Variants in ARHGAP17 observed in about 807,000 individuals in gnomAD.
ARHGAP17 encodes rho GTPase-activating protein 17.
Under a neutral mutation model 99.5 loss-of-function variants are expected in ARHGAP17, and 57 were observed. The observed-to-expected ratio is 0.57, with a 90% CI of 0.46 to 0.71. ARHGAP17 has a LOEUF of 0.71. Among genes scored for constraint, ARHGAP17 ranks in the 30% least tolerant of loss-of-function variants. The pLI is 0.00. For missense variants in ARHGAP17, 1,000 were observed against 1,122.4 expected, an observed-to-expected ratio of 0.89 and a Z score of 1.56; for synonymous variants, 417 against 429.6, an observed-to-expected ratio of 0.97 and a Z score of 0.36.
chr16:24,968,895 G>A, intron 4 of ARHGAP17, 123 bp from the exon 5 acceptor site: 1 of 797,548 alleles, frequency 1.3e-6, no homozygotes, highest in Non-Finnish European at 2.0e-6. Context: ...AACGAGCCTT[G>A]AAAATATTAT....
At position 24,955,684 on chromosome 16, in the gene ARHGAP17, C is replaced by G. The variant is rs2051788552; in HGVS notation, c.725-954G>C. 2 of 152,266 alleles carry G rather than the reference C, an allele frequency of 1.3e-5. No individual in the cohort carries two copies. The highest frequency in any genetic ancestry group is 3.8e-4 in the East Asian group (2 of 5,202). The allele number at this position is 152,266 out of a possible 1,614,324, so 9.4% of individuals were successfully genotyped here. A position where few individuals can be genotyped will look rare whatever the true frequency, so the allele number is the denominator to read the frequency against. ...CTCTGCACCTTTACTGGCCATTGGT[C>G]CCTTAGCAGCTCTGCTGTTAGAAAG... On this transcript the variant is annotated intron_variant, in intron 9 of 19. Coordinates refer to ENST00000289968, the MANE Select transcript of ARHGAP17 (RefSeq NM_001006634.3). The surrounding 1 kb of genome is among the most constrained non-coding windows in gnomAD (Gnocchi z 4.0).
At chr16:25,013,789 G>C (rs1597506946) in intron 1 of ARHGAP17, 1 of 152,198 alleles carries the variant, frequency 6.6e-6, no homozygotes, top group Non-Finnish European at 1.5e-5. Context: ...TTTGACAAAT[G>C]TATCTTGGCA....
At chr16:24,939,836 A>T in intron 16 of ARHGAP17, 1 of 561,950 alleles carries the variant, frequency 1.8e-6, no homozygotes, top group Non-Finnish European at 3.2e-6. Context: ...GGGTGTGAGC[A>T]GCTAAAAGCA....
chr16:24,928,874 A>G (rs1279804370), intron 19 of ARHGAP17, among the ~76,000 whole-genome samples: 1 of 152,244 alleles, frequency 6.6e-6, no homozygotes, highest in Non-Finnish European at 1.5e-5. Flanking sequence ...AAAGGAATTT[A>G]AAATAATTCA....
chr16:24,983,570 G>A (rs1039758249), intron 1 of ARHGAP17, among the ~76,000 whole-genome samples: 2 of 152,170 alleles, frequency 1.3e-5, no homozygotes, highest in African/African-American at 4.8e-5. Context: ...CTCCCAAAGT[G>A]CTAGGCGTGA....
intron 6 of ARHGAP17, among the ~76,000 whole-genome samples, chr16:24,965,620 C>A (rs2052156695): frequency 6.6e-6 from 1 of 152,196 alleles, no homozygotes. Context: ...AGCAAGTCAG[C>A]CAAAGCTAAA....
At chr16:24,957,745 G>T (rs148872287) in intron 9 of ARHGAP17, among the ~76,000 whole-genome samples, 1 of 152,110 alleles carries the variant, frequency 6.6e-6, no homozygotes, top group Non-Finnish European at 1.5e-5. Flanking sequence ...AGAAAATGCA[G>T]GTGGCAGGCA....
chr16:24,991,397 AT>A (rs1458611514), intron 1 of ARHGAP17, among the ~76,000 whole-genome samples: 2 of 152,350 alleles, frequency 1.3e-5, no homozygotes, highest in Non-Finnish European at 2.9e-5. Flanking sequence ...CCCAAGTCTT[AT>A]CTAAGAATGA....
chr16:24,982,994 A>AT (rs2052739702), intron 1 of ARHGAP17, among the ~76,000 whole-genome samples: 5 of 17,386 alleles, frequency 2.9e-4, no homozygotes, highest in Admixed American at 1.3e-3. Flanking sequence ...ATATATATAT[A>AT]TATTTTTTTT....
At chr16:24,988,505 C>G (rs1274217721) in intron 1 of ARHGAP17, among the ~76,000 whole-genome samples, 1 of 152,158 alleles carries the variant, frequency 6.6e-6, no homozygotes, top group Non-Finnish European at 1.5e-5. Context: ...GTATTTACAG[C>G]TTCTCTAGGA....
chr16:24,965,429 T>A (rs1442707211), intron 6 of ARHGAP17, among the ~76,000 whole-genome samples: 2 of 152,088 alleles, frequency 1.3e-5, no homozygotes, highest in African/African-American at 2.4e-5. Context: ...CAGACCAAGA[T>A]CGCAACGCCG....
At chr16:24,971,050 A>G (rs1195519324) in intron 3 of ARHGAP17, among the ~76,000 whole-genome samples, 2 of 151,970 alleles carry the variant, frequency 1.3e-5, no homozygotes, top group Non-Finnish European at 2.9e-5. Context: ...TAATTTTTGT[A>G]TTTTTGGTAG....
intron 1 of ARHGAP17, among the ~76,000 whole-genome samples, chr16:25,008,566 T>A (rs2141527108): frequency 6.6e-6 from 1 of 152,306 alleles, no homozygotes; most frequent in East Asian, 1.9e-4. Context: ...CTACAGCATC[T>A]ACCTACACTT....
At chr16:24,931,689 T>C (rs920072180) in intron 18 of ARHGAP17, among the ~76,000 whole-genome samples, 2 of 152,120 alleles carry the variant, frequency 1.3e-5, no homozygotes, top group Non-Finnish European at 2.9e-5. Context: ...ACGGAGAACA[T>C]GTCACAGACA....
chr16:24,943,365 T>A (rs939688798), intron 15 of ARHGAP17, among the ~76,000 whole-genome samples: 2 of 152,188 alleles, frequency 1.3e-5, no homozygotes, highest in Admixed American at 6.5e-5. Flanking sequence ...TAAAAACCAA[T>A]CCCTGGTTCC....
chr16:25,006,718 A>C (rs536498844), intron 1 of ARHGAP17, among the ~76,000 whole-genome samples: 32 of 152,288 alleles, frequency 2.1e-4, no homozygotes, highest in African/African-American at 7.0e-4. Context: ...CTTTTTCACA[A>C]AGCAAGCGGT....
At chr16:24,927,088 T>C (rs563815991) in intron 19 of ARHGAP17, among the ~76,000 whole-genome samples, 5 of 152,184 alleles carry the variant, frequency 3.3e-5, no homozygotes, top group South Asian at 4.1e-4. Context: ...CTGGCCAACA[T>C]GGTGAAGCCC....
At chr16:24,968,911 T>C in intron 4 of ARHGAP17, 139 bp from the exon 5 acceptor site, 2 of 712,712 alleles carry the variant, frequency 2.8e-6, no homozygotes, top group Non-Finnish European at 4.7e-6. Flanking sequence ...ATTATAAATG[T>C]AGGGTACTGC....
In ARHGAP17 at chr16:24,941,752, C is replaced by A; in HGVS notation, c.1490+235G>T. 2 of 545,026 alleles carry A rather than the reference C, an allele frequency of 3.7e-6. 1 individual carries two copies. The highest frequency in any genetic ancestry group is 4.1e-5 in the South Asian group (2 of 48,716). The allele number at this position is 545,026 out of a possible 1,614,324, so 33.8% of individuals were successfully genotyped here. ...CTGCAGGGCTTACCAAGCACACCACCAAGTTAAGCTGGAATACACGTGGAA... is the reference window on the plus strand; with the variant it reads ...CTGCAGGGCTTACCAAGCACACCACAAAGTTAAGCTGGAATACACGTGGAA... On this transcript the variant is annotated intron_variant, in intron 16 of 19. Transcript: ENST00000289968.
Sources: gnomAD v4.1 joint callset for allele counts (sites outside exome capture counted in the v4.1 genomes callset) on GRCh38, gnomAD v4.1.1 for gene constraint, Gnocchi (gnomAD v3.1) non-coding constraint, MANE v1.5 for transcripts, NCBI Gene and HGNC (gene_info 2026-07-23, HGNC 2026-07-21) for gene names.